The following UBE2L3 variants were observed in gnomAD, a reference collection of about 807,000 sequenced individuals.
The protein encoded by UBE2L3 is ubiquitin conjugating enzyme E2 L3.
A neutral mutation model predicts 17.8 loss-of-function variants in UBE2L3; 1 was observed. That is an observed-to-expected ratio of 0.06 (90% CI 0.02 to 0.27). The LOEUF is 0.27. Ranked by LOEUF, UBE2L3 falls within the 10% of genes least tolerant of loss-of-function variation. The probability of loss-of-function intolerance (pLI) is 1.00; values close to 1 mark genes in which losing one functional copy is unlikely to be tolerated. For synonymous variants in UBE2L3, 44 were observed against 68.5 expected, an observed-to-expected ratio of 0.64 and a Z score of 1.76; for missense variants, 40 against 192.6, an observed-to-expected ratio of 0.21 and a Z score of 4.69.
At chr22:21,612,561 G>A (rs1260048941) in intron 3 of UBE2L3, among the ~76,000 whole-genome samples, 1 of 147,024 alleles carries the variant, frequency 6.8e-6, no homozygotes, top group Non-Finnish European at 1.5e-5. Context: ...TCCTGACCTC[G>A]TGATCCGCCC....
intron 1 of UBE2L3, among the ~76,000 whole-genome samples, chr22:21,570,020 T>G (rs1386179109): frequency 6.6e-6 from 1 of 152,232 alleles, no homozygotes; most frequent in East Asian, 1.9e-4. Context: ...TCAACTCCAG[T>G]GCCAACTACT....
At chr22:21,557,523 C>G (rs1926278590) in intron 1 of UBE2L3, among the ~76,000 whole-genome samples, 1 of 151,190 alleles carries the variant, frequency 6.6e-6, no homozygotes, top group Admixed American at 6.5e-5. Flanking sequence ...ATGGGCAGAT[C>G]TACTCTTTTT....
At chr22:21,603,529 T>TTAA (rs1928976310) in intron 2 of UBE2L3, among the ~76,000 whole-genome samples, 1 of 79,950 alleles carries the variant, frequency 1.3e-5, no homozygotes, top group Admixed American at 1.7e-4. Flanking sequence ...GACTCTGTCT[T>TTAA]AAAAAAAAAA....
intron 1 of UBE2L3, among the ~76,000 whole-genome samples, chr22:21,589,295 G>A (rs893384551): frequency 4.0e-5 from 6 of 151,708 alleles, no homozygotes; most frequent in Non-Finnish European, 7.4e-5. Flanking sequence ...ACAGGCGCCC[G>A]CCACCATGCC....
intron 2 of UBE2L3, among the ~76,000 whole-genome samples, chr22:21,603,474 G>A (rs1388803289): frequency 1.4e-5 from 2 of 143,752 alleles, no homozygotes; most frequent in African/African-American, 2.6e-5. Flanking sequence ...AGGCTGCAGT[G>A]AACCGAGATC....
Position 21,569,670 on chromosome 22 carries a change from T to G in UBE2L3, c.27+1899T>G, listed in dbSNP as rs541753601. The stretch of plus-strand genomic sequence containing the variant: ...CTGAGACTGGCTGAAAGCAATCCCT[T>G]GAGCCTCACCTCCTGCCCTTTGGTT... On this transcript the variant is annotated intron_variant, in intron 1 of 3. Transcript: ENST00000342192. 4.6e-5 allele frequency among the ~76,000 whole-genome samples: 7 copies of G among 152,336 alleles called. No individual in the cohort carries two copies. In the South Asian group the frequency reaches 1.2e-3, roughly 27 times the overall value.
intron 1 of UBE2L3, among the ~76,000 whole-genome samples, chr22:21,572,360 G>A (rs1052609483): frequency 6.6e-6 from 1 of 150,958 alleles, no homozygotes; most frequent in Non-Finnish European, 1.5e-5. Flanking sequence ...GCTTGAACCC[G>A]GGAGGCAGAG....
chr22:21,560,471 G>A (rs1926394784), intron 1 of UBE2L3, among the ~76,000 whole-genome samples: 1 of 105,872 alleles, frequency 9.4e-6, no homozygotes, highest in African/African-American at 3.7e-5. Flanking sequence ...TTTTTTTTGA[G>A]ATGGAGTCTC....
chr22:21,591,703 A>G (rs1601417194), intron 1 of UBE2L3, among the ~76,000 whole-genome samples: 3 of 152,290 alleles, frequency 2.0e-5, no homozygotes, highest in African/African-American at 7.2e-5. Flanking sequence ...CCCCCAAGCC[A>G]CTGTGAGTTG....
chr22:21,568,439 TCTC>T (rs1226566600), intron 1 of UBE2L3: 2 of 985,050 alleles, frequency 2.0e-6, no homozygotes, highest in African/African-American at 3.5e-5. Flanking sequence ...TCTGCTTCCC[TCTC>T]CTCCACTCAG....
chr22:21,570,050 C>T (rs916758122), intron 1 of UBE2L3, among the ~76,000 whole-genome samples: 2 of 152,254 alleles, frequency 1.3e-5, no homozygotes, highest in African/African-American at 4.8e-5. Flanking sequence ...CGTGCTCCCA[C>T]ATCCCCCTTC....
intron 1 of UBE2L3, among the ~76,000 whole-genome samples, chr22:21,576,112 C>CTTTT (rs35221203): frequency 1.7e-5 from 2 of 117,174 alleles, no homozygotes; most frequent in African/African-American, 3.3e-5. Flanking sequence ...TTGAAAGCAA[C>CTTTT]TTTTTTTTTT....
intron 1 of UBE2L3, among the ~76,000 whole-genome samples, chr22:21,556,922 C>T (rs1388539100): frequency 1.3e-5 from 2 of 152,234 alleles, no homozygotes; most frequent in African/African-American, 2.4e-5. Flanking sequence ...GGCATGGTGG[C>T]AGGTGCCTGT....
rs569139358 is a variant in UBE2L3, at chr22:21,590,732, C to T, written c.28-2129C>T. Reference sequence around the variant, plus strand: ...CCTTAAGGGACGTGCATGGTATACCCTGTCCTTAGCCAAGAATCTTACTCT... The same window carrying T: ...CCTTAAGGGACGTGCATGGTATACCTTGTCCTTAGCCAAGAATCTTACTCT... On this transcript the variant is annotated intron_variant, in intron 1 of 3. Transcript: ENST00000342192. Among the ~76,000 whole-genome samples the T allele has an allele frequency of 5.3e-5, 8 of 152,278 alleles. No individual in the cohort carries two copies. The East Asian group carries it at 1.5e-3, about 29-fold the overall frequency.
rs566366994 is a variant in UBE2L3, at chr22:21,583,329, T to C, written c.28-9532T>C. ...GACCTAAAGGTTCCTAGAGCAGCGT[T>C]TCTCAGTTCTTTTAACCCACCCTCA... is the stretch of plus-strand genomic sequence containing the variant. On this transcript the variant is annotated intron_variant, in intron 1 of 3. Coordinates refer to ENST00000342192, the MANE Select transcript of UBE2L3 (RefSeq NM_003347.4). 7.9e-5 allele frequency among the ~76,000 whole-genome samples: 12 copies of C among 152,308 alleles called. No homozygotes were observed. In the South Asian group the frequency reaches 1.7e-3, roughly 21 times the overall value.
In UBE2L3 at chr22:21,612,480, C is replaced by G. The variant is rs78416054; in HGVS notation, c.310+1437C>G. Among the ~76,000 whole-genome samples the G allele has an allele frequency of 0.012, 1,873 of 151,602 alleles. 93 individuals carry two copies. The South Asian group carries it at 0.12, about 10-fold the overall frequency. ...AGCTGGGACTACAGGCACCCGCCAC[C>G]ACGCCCGGCTAATTTTTTGTATTTT... On this transcript the variant is annotated intron_variant, in intron 3 of 3. Coordinates refer to ENST00000342192, the MANE Select transcript of UBE2L3 (RefSeq NM_003347.4).
At chr22:21,618,744 C>A (rs574872895) in intron 3 of UBE2L3, among the ~76,000 whole-genome samples, 2 of 152,070 alleles carry the variant, frequency 1.3e-5, no homozygotes, top group Admixed American at 1.3e-4. Flanking sequence ...TGTGCCACCA[C>A]AACCGGCTAA....
intron 1 of UBE2L3, chr22:21,568,454 C>G (rs1926768599): frequency 4.1e-6 from 4 of 983,836 alleles, no homozygotes; most frequent in Non-Finnish European, 4.8e-6. Flanking sequence ...TCCACTCAGT[C>G]ATCCCGATCT....
chr22:21,569,074 C>T (rs971485014), intron 1 of UBE2L3, among the ~76,000 whole-genome samples: 2 of 152,098 alleles, frequency 1.3e-5, no homozygotes, highest in African/African-American at 4.8e-5. Flanking sequence ...CGTCCATTAA[C>T]CCTTGTGGAT....
Sources: gnomAD v4.1 joint callset for allele counts (sites outside exome capture counted in the v4.1 genomes callset) on GRCh38, gnomAD v4.1.1 for gene constraint, MANE v1.5 for transcripts, NCBI Gene and HGNC (gene_info 2026-07-23, HGNC 2026-07-21) for gene names.